The following HECW1 variants were observed in gnomAD, a reference collection of about 807,000 sequenced individuals.
HECW1 encodes E3 ubiquitin-protein ligase HECW1.
A neutral mutation model predicts 182.3 loss-of-function variants in HECW1; 61 were observed. The observed-to-expected ratio is 0.33, with a 90% CI of 0.27 to 0.41. HECW1 has a LOEUF of 0.41. Ranked by LOEUF, HECW1 falls within the 10% of genes least tolerant of loss-of-function variation. HECW1 has a pLI of 1.00. For missense variants in HECW1, 1,739 were observed against 2,108.9 expected, an observed-to-expected ratio of 0.82 and a Z score of 3.44; for synonymous variants, 859 against 832.6, an observed-to-expected ratio of 1.03 and a Z score of -0.55.
intron 2 of HECW1, among the ~76,000 whole-genome samples, chr7:43,153,394 T>G (rs1177870578): frequency 1.3e-5 from 2 of 152,160 alleles, no homozygotes; most frequent in Non-Finnish European, 2.9e-5. Context: ...CACAAAAGTG[T>G]CTCCCCCTAC....
chr7:43,176,721 C>T (rs560302421), intron 2 of HECW1, among the ~76,000 whole-genome samples: 17 of 152,340 alleles, frequency 1.1e-4, no homozygotes, highest in African/African-American at 2.6e-4. Flanking sequence ...AATCATCTCC[C>T]GAAGGTCTCA....
intron 29 of HECW1, among the ~76,000 whole-genome samples, chr7:43,558,378 T>G (rs1448082536): frequency 1.3e-5 from 2 of 152,206 alleles, no homozygotes; most frequent in East Asian, 3.8e-4. Context: ...TGAACATGTT[T>G]CACTGCAGAT....
intron 6 of HECW1, among the ~76,000 whole-genome samples, chr7:43,372,527 G>A (rs1008434118): frequency 2.6e-5 from 4 of 151,820 alleles, no homozygotes; most frequent in African/African-American, 9.7e-5. Flanking sequence ...GCTCCCCACT[G>A]TTTTCCTTTT....
intron 2 of HECW1, among the ~76,000 whole-genome samples, chr7:43,152,920 TGTCC>T (rs1789494000): frequency 6.6e-6 from 1 of 152,196 alleles, no homozygotes; most frequent in African/African-American, 2.4e-5. Flanking sequence ...AATTTAGTAA[TGTCC>T]GTCACTCCTC....
At position 43,171,443 on chromosome 7, in the gene HECW1, G is replaced by T. The variant is rs548894724; in HGVS notation, c.-32+57052G>T. On this transcript the variant is annotated intron_variant, in intron 2 of 29. Transcript: ENST00000395891. ...CTTGAATGAACGTTGAAAAGTTTGG[G>T]CATCACACTTTTGGTCAGCCACTGC... 7.2e-5 allele frequency among the ~76,000 whole-genome samples: 11 copies of T among 152,218 alleles called. No individual in the cohort carries two copies. In the South Asian group the frequency reaches 2.1e-3, roughly 29 times the overall value.
At chr7:43,279,830 G>A (rs941953187) in intron 3 of HECW1, among the ~76,000 whole-genome samples, 4 of 152,152 alleles carry the variant, frequency 2.6e-5, no homozygotes, top group African/African-American at 4.8e-5. Flanking sequence ...TGAGAACAGG[G>A]ACCATTGCTT....
intron 19 of HECW1, among the ~76,000 whole-genome samples, chr7:43,494,411 C>T (rs879325660): frequency 6.6e-6 from 1 of 152,130 alleles, no homozygotes; most frequent in Non-Finnish European, 1.5e-5. Flanking sequence ...CCTATCATAA[C>T]CAGAGTTACC....
chr7:43,235,273 G>A (rs1300113556), intron 2 of HECW1, among the ~76,000 whole-genome samples: 1 of 152,192 alleles, frequency 6.6e-6, no homozygotes, highest in Non-Finnish European at 1.5e-5. Flanking sequence ...CTGAGGAGTG[G>A]CCACAGCAGG....
At chr7:43,336,315 A>G (rs1452304488) in intron 5 of HECW1, among the ~76,000 whole-genome samples, 1 of 151,340 alleles carries the variant, frequency 6.6e-6, no homozygotes, top group African/African-American at 2.4e-5. Flanking sequence ...ACACTCACAC[A>G]CCACCATGCC....
intron 3 of HECW1, among the ~76,000 whole-genome samples, chr7:43,250,520 C>T (rs982669547): frequency 1.3e-5 from 2 of 152,128 alleles, no homozygotes; most frequent in Non-Finnish European, 2.9e-5. Flanking sequence ...AAGTGTAGAA[C>T]ACAATGTAAA....
At chr7:43,424,287 AG>A (rs2076285838) in intron 8 of HECW1, among the ~76,000 whole-genome samples, 1 of 152,188 alleles carries the variant, frequency 6.6e-6, no homozygotes, top group Admixed American at 6.5e-5. Flanking sequence ...AGCATTTTTC[AG>A]GGCAATGGGT....
At chr7:43,262,347 A>T (rs1369259636) in intron 3 of HECW1, among the ~76,000 whole-genome samples, 1 of 152,164 alleles carries the variant, frequency 6.6e-6, no homozygotes, top group Non-Finnish European at 1.5e-5. Context: ...ATATCTGTAT[A>T]TCAGCCACTT....
intron 3 of HECW1, among the ~76,000 whole-genome samples, chr7:43,276,860 G>A (rs1173055033): frequency 6.6e-6 from 1 of 152,192 alleles, no homozygotes; most frequent in African/African-American, 2.4e-5. Context: ...TCAACCACCT[G>A]AACCATACAG....
intron 24 of HECW1, among the ~76,000 whole-genome samples, chr7:43,521,868 A>G (rs1364716999): frequency 6.6e-6 from 1 of 152,192 alleles, no homozygotes; most frequent in East Asian, 1.9e-4. Flanking sequence ...GCAAAACTCC[A>G]TCTCAAAAAT....
chr7:43,214,947 C>T (rs1006204291), intron 2 of HECW1, among the ~76,000 whole-genome samples: 11 of 152,202 alleles, frequency 7.2e-5, no homozygotes, highest in African/African-American at 2.4e-4. Context: ...TCCCAGTCAG[C>T]GTCCCAGGAC....
Position 43,438,217 on chromosome 7 carries a change from G to A in HECW1, c.944+72G>A, listed in dbSNP as rs549815763. 52 of 1,328,682 alleles carry A rather than the reference G, an allele frequency of 3.9e-5. 1 individual carries two copies. The highest frequency in any genetic ancestry group is 9.3e-5 in the Admixed American group (5 of 53,580). The allele number at this position is 1,328,682 out of a possible 1,614,324, so 82.3% of individuals were successfully genotyped here. On this transcript the variant is annotated intron_variant, in intron 9 of 29. Transcript: ENST00000395891. ...GGTCGTGCCCAAAGGTGGCCTGTAGGCTGCAATAGTATAGTCTCACAGAGA... is the reference window on the plus strand; with the variant it reads ...GGTCGTGCCCAAAGGTGGCCTGTAGACTGCAATAGTATAGTCTCACAGAGA...
At chr7:43,551,990 C>A (rs2081848845) in intron 27 of HECW1, among the ~76,000 whole-genome samples, 1 of 152,070 alleles carries the variant, frequency 6.6e-6, no homozygotes, top group Non-Finnish European at 1.5e-5. Context: ...AAGGCCCCAC[C>A]TCCTAATACG....
chr7:43,322,941 A>G (rs1171524815), intron 5 of HECW1, among the ~76,000 whole-genome samples: 1 of 152,220 alleles, frequency 6.6e-6, no homozygotes, highest in East Asian at 1.9e-4. Flanking sequence ...ACACAACTTG[A>G]AAGTTTTTAT....
rs566724477 is a variant in HECW1 at position 43,201,300 on chromosome 7, G to A, written c.-31-42575G>A. 3.4e-3 allele frequency among the ~76,000 whole-genome samples: 515 copies of A among 152,326 alleles called. 2 individuals carry two copies. Among genetic ancestry groups the A allele is most frequent in the Middle Eastern group, 0.01 (3 of 294 alleles). ...AGAAGGGGGTTTGGAAGCTGGAAAT[G>A]CAGATTTCTGAGTCTTTCTTCTAGA... On this transcript the variant is annotated intron_variant, in intron 2 of 29. Coordinates refer to ENST00000395891, the MANE Select transcript of HECW1 (RefSeq NM_015052.5).
Sources: allele counts gnomAD v4.1 joint callset (sites outside exome capture counted in the v4.1 genomes callset), GRCh38; gene constraint gnomAD v4.1.1; transcripts MANE v1.5; gene names NCBI Gene and HGNC (gene_info 2026-07-23, HGNC 2026-07-21).